The following DMD variants were observed in gnomAD, a reference collection of about 807,000 sequenced individuals.
DMD encodes the protein mutant dystrophin.
DMD carries 63 observed loss-of-function variants against 330.1 expected under a neutral mutation model. The ratio of observed to expected loss-of-function variants is 0.19; its 90% CI spans 0.16 to 0.24. The LOEUF (loss-of-function observed/expected upper bound fraction) is 0.24. DMD is among the 10% of genes least tolerant of loss of function. The pLI is 1.00. For missense variants in DMD, 3,344 were observed against 2,684.1 expected (o/e 1.25, Z -5.43); for synonymous variants, 1,223 against 959.8 (o/e 1.27, Z -5.07).
intron 54 of DMD, among the ~76,000 whole-genome samples, chrX:31,653,706 A>G (rs774134335): frequency 3.6e-5 from 4 of 111,761 alleles, no homozygotes; most frequent in African/African-American, 6.5e-5. Context: ...GCTTCTCACA[A>G]TAATTTGTAA....
intron 11 of DMD, among the ~76,000 whole-genome samples, chrX:32,636,132 A>G (rs747075964): frequency 8.9e-6 from 1 of 112,084 alleles, no homozygotes; most frequent in South Asian, 3.8e-4. Flanking sequence ...AAAATTATAC[A>G]GTTTTTATCC....
chrX:31,981,658 C>A (rs2095476742), intron 44 of DMD, among the ~76,000 whole-genome samples: 1 of 111,352 alleles, frequency 9.0e-6, no homozygotes, highest in Non-Finnish European at 1.9e-5. Flanking sequence ...ATAGAGACGA[C>A]ACAGAAAGCA....
At chrX:32,715,728 G>A (rs373230087) in intron 7 of DMD, among the ~76,000 whole-genome samples, 87 of 110,600 alleles carry the variant, frequency 7.9e-4, no homozygotes, top group African/African-American at 2.6e-3. Context: ...TTGAACCGGG[G>A]AGGTGGAGGT....
chrX:32,874,843 A>G (rs140793836), intron 2 of DMD, among the ~76,000 whole-genome samples: 1,794 of 111,442 alleles, frequency 0.016, 29 homozygotes, highest in African/African-American at 0.056. Context: ...GAAGACATCT[A>G]CAAGTCCTCT....
chrX:32,225,485 G>GT lies in DMD; in HGVS notation c.6291-8423dup, dbSNP rs767810740. On this transcript the variant is annotated intron_variant, in intron 43 of 78. Transcript: ENST00000357033. ...AACATTTGATGTGAACCTCAAAGAT[G>GT]TTATGTCAACAATTCCTTATTTTCC... 6.3e-5 allele frequency among the ~76,000 whole-genome samples: 7 copies of GT among 111,623 alleles called. No homozygotes were observed. The South Asian group carries it at 2.3e-3, about 36-fold the overall frequency.
At chrX:32,886,561 T>G (rs182764973) in intron 2 of DMD, among the ~76,000 whole-genome samples, 7 of 109,770 alleles carry the variant, frequency 6.4e-5, no homozygotes, top group South Asian at 8.0e-4. Context: ...CAGGCGCCTG[T>G]GGTCCCAGCT....
intron 49 of DMD, among the ~76,000 whole-genome samples, chrX:31,832,517 G>C (rs1199765175): frequency 8.9e-6 from 1 of 112,005 alleles, no homozygotes; most frequent in Non-Finnish European, 1.9e-5. Context: ...CTGAGGAAAT[G>C]ATGCCTGGAA....
At chrX:32,525,011 A>T (rs998577849) in intron 17 of DMD, among the ~76,000 whole-genome samples, 1 of 112,094 alleles carries the variant, frequency 8.9e-6, no homozygotes, top group East Asian at 2.8e-4. Context: ...AAAGAAACAT[A>T]TTAATGAGTT....
intron 2 of DMD, among the ~76,000 whole-genome samples, chrX:32,918,193 C>A (rs915705504): frequency 9.0e-6 from 1 of 110,872 alleles, no homozygotes; most frequent in African/African-American, 3.3e-5. Context: ...CGCATACACA[C>A]CAACTTATCT....
intron 60 of DMD, among the ~76,000 whole-genome samples, chrX:31,429,382 G>T (rs760920426): frequency 9.0e-6 from 1 of 111,561 alleles, no homozygotes; most frequent in South Asian, 3.8e-4. Context: ...CCATTGGAAT[G>T]GCTGTTACAG....
rs1052638512 is a variant in DMD, at chrX:32,914,589, A to G, written c.94-64769T>C. On this transcript the variant is annotated intron_variant, in intron 2 of 78. Transcript: ENST00000357033. Reference sequence around the variant, plus strand: ...AAACAGAGAGGCATTTGCAAAAGGAAACATGAGGAGAATGTTCCTAGCAGC... The same window carrying G: ...AAACAGAGAGGCATTTGCAAAAGGAGACATGAGGAGAATGTTCCTAGCAGC... 9.8e-5 allele frequency among the ~76,000 whole-genome samples: 11 copies of G among 112,475 alleles called. No individual in the cohort carries two copies. The South Asian group carries it at 2.6e-3, about 26-fold the overall frequency.
chrX:31,523,383 G>A (rs772499478), intron 55 of DMD, among the ~76,000 whole-genome samples: 4 of 110,984 alleles, frequency 3.6e-5, no homozygotes, highest in African/African-American at 6.6e-5. Context: ...TGAAGACAAC[G>A]TATCCTTCCA....
intron 74 of DMD, among the ~76,000 whole-genome samples, chrX:31,163,334 G>A (rs1378575450): frequency 9.0e-6 from 1 of 111,568 alleles, no homozygotes; most frequent in Non-Finnish European, 1.9e-5. Flanking sequence ...TCTCTTGCCT[G>A]CCACCGTGTA....
At chrX:31,965,863 A>T (rs909590504) in intron 45 of DMD, among the ~76,000 whole-genome samples, 1 of 111,974 alleles carries the variant, frequency 8.9e-6, no homozygotes, top group Non-Finnish European at 1.9e-5. Flanking sequence ...TACATTTCAC[A>T]CTTCATTTGC....
At chrX:31,358,350 G>A (rs1413576210) in intron 60 of DMD, among the ~76,000 whole-genome samples, 1 of 111,649 alleles carries the variant, frequency 9.0e-6, no homozygotes, top group African/African-American at 3.3e-5. Context: ...CATGGAAGTA[G>A]GTACACTTCC....
At chrX:31,772,441 T>C (rs1025616536) in intron 51 of DMD, among the ~76,000 whole-genome samples, 2 of 111,998 alleles carry the variant, frequency 1.8e-5, no homozygotes, top group South Asian at 3.7e-4. Context: ...GAGTATTATA[T>C]AACTCAATAT....
At chrX:31,501,239 T>C (rs1300801340) in intron 56 of DMD, among the ~76,000 whole-genome samples, 1 of 112,520 alleles carries the variant, frequency 8.9e-6, no homozygotes, top group African/African-American at 3.2e-5. Flanking sequence ...CCCACCTTGC[T>C]GGGTGGAGCT....
chrX:31,941,188 C>T (rs1182674670), intron 45 of DMD, among the ~76,000 whole-genome samples: 1 of 111,722 alleles, frequency 9.0e-6, no homozygotes, highest in Non-Finnish European at 1.9e-5. Context: ...AGAGTTACAT[C>T]ACCTATCAGT....
At chrX:31,872,860 T>C (rs2093913966) in intron 48 of DMD, among the ~76,000 whole-genome samples, 1 of 111,126 alleles carries the variant, frequency 9.0e-6, no homozygotes, top group Non-Finnish European at 1.9e-5. Flanking sequence ...TGAGATGTAA[T>C]TGTACTGGTG....
Sources: allele counts gnomAD v4.1 joint callset (sites outside exome capture counted in the v4.1 genomes callset), GRCh38; gene constraint gnomAD v4.1.1; transcripts MANE v1.5; gene names NCBI Gene and HGNC (gene_info 2026-07-23, HGNC 2026-07-21).